SERINC1: variants seen among roughly 807,000 people sequenced by gnomAD.
SERINC1 encodes tumor differentially expressed protein 2.
In SERINC1, 38 loss-of-function variants were observed where a neutral mutation model predicts 52.9. The observed-to-expected ratio is 0.72, with a 90% CI of 0.55 to 0.94. The LOEUF (loss-of-function observed/expected upper bound fraction) is 0.94, where lower values mean the gene tolerates loss of function less well. Among genes scored for constraint, SERINC1 ranks in the 40% least tolerant of loss-of-function variants. The pLI, the probability that SERINC1 is intolerant of heterozygous loss-of-function variation, is 0.00. For synonymous variants in SERINC1, 198 were observed against 183.1 expected, an observed-to-expected ratio of 1.08 and a Z score of -0.66; for missense variants, 471 against 533.9, an observed-to-expected ratio of 0.88 and a Z score of 1.16.
chr6:122,458,674 C>G lies in SERINC1; in HGVS notation c.47G>C (p.Cys16Ser). ...CAAACACGGGGCACTTCCACACAAA[C>G]ATGGTATCTGGGAAAAAGAATATTA... ...GLCSMASWIP[C>S]LCGSAPCLLC... Residue 16 changes from cysteine (C) to serine (S), a missense_variant, in exon 2 of 10, where the codon TGT becomes TCT. Physicochemically the swap from Cys to Ser is moderately radical, Grantham distance 112. Coordinates refer to ENST00000339697, the MANE Select transcript of SERINC1 (RefSeq NM_020755.4). The G allele has an allele frequency of 6.3e-7, 1 of 1,592,114 alleles. No homozygotes were observed. The highest frequency in any genetic ancestry group is 1.1e-5 in the South Asian group (1 of 87,258).
In SERINC1 at chr6:122,445,092, A is replaced by T; in HGVS notation, c.1314T>A (p.Val438=). Residue 438 remains valine (V), a synonymous_variant, in exon 10 of 10, where the codon GTT becomes GTA. Transcript: ENST00000339697. ...GAACAAGTGGTGCCACGAGTGTCCA[A>T]ACATACAGCACGATGCCAATCCAAC... ...SSSWIGIVLY[V]WTLVAPLVLT... is the part of the protein sequence containing the mutation. The T allele has an allele frequency of 6.2e-7, 1 of 1,614,084 alleles. No individual in the cohort carries two copies. The highest frequency in any genetic ancestry group is 8.5e-7 in the Non-Finnish European group (1 of 1,179,936).
intron 4 of SERINC1, 121 bp downstream of exon 4, chr6:122,454,030 G>A (rs1774956030): frequency 8.3e-7 from 1 of 1,202,570 alleles, no homozygotes; most frequent in Non-Finnish European, 1.2e-6. Context: ...TTTGCCAACT[G>A]GGGAAACACA....
intron 2 of SERINC1, among the ~76,000 whole-genome samples, chr6:122,457,804 C>CATACATATATATATATATATAT (rs1554211589): frequency 2.0e-5 from 3 of 147,706 alleles, no homozygotes; most frequent in Admixed American, 1.4e-4. Flanking sequence ...GTAAGACATA[C>CATACATATATATATATATATAT]ATATATATAT....
chr6:122,454,043 C>T, intron 4 of SERINC1, 108 bp downstream of exon 4: 1 of 1,141,650 alleles, frequency 8.8e-7, no homozygotes, highest in Non-Finnish European at 1.3e-6. Flanking sequence ...GAAACACACA[C>T]ACACACACCC....
intron 2 of SERINC1, among the ~76,000 whole-genome samples, chr6:122,456,860 A>G (rs1775006452): frequency 6.6e-6 from 1 of 152,172 alleles, no homozygotes; most frequent in South Asian, 2.1e-4. Flanking sequence ...CAAATCATAA[A>G]CTACAATACC....
rs529538292 is a variant in SERINC1 at position 122,459,583 on chromosome 6, C to G, written c.40-902G>C. Among the ~76,000 whole-genome samples the G allele has an allele frequency of 2.0e-5, 3 of 152,036 alleles. No individual in the cohort carries two copies. In the South Asian group the frequency reaches 6.2e-4, roughly 32 times the overall value. ...TGGCAACTATGTAAATATACTTTAG[C>G]AAAAGTTAAACATAAACATCTCCCC... On this transcript the variant is annotated intron_variant, in intron 1 of 9. Transcript: ENST00000339697.
intron 1 of SERINC1, among the ~76,000 whole-genome samples, chr6:122,463,109 C>G (rs538684732): frequency 2.0e-5 from 3 of 152,256 alleles, no homozygotes; most frequent in East Asian, 3.9e-4. Context: ...AAAGGGTGGA[C>G]ACACTAAGTA....
chr6:122,446,379 T>C (rs1774802212), intron 9 of SERINC1, among the ~76,000 whole-genome samples: 2 of 152,120 alleles, frequency 1.3e-5, no homozygotes, highest in African/African-American at 4.8e-5. Flanking sequence ...TCTACATTAA[T>C]GAATTCATAC....
rs567349324 is a variant in SERINC1, at chr6:122,463,628, C to T, written c.40-4947G>A. Reference sequence around the variant, plus strand: ...TCAATATCATTATTAGGGAAATGTACATTAAAATCAGAGATACTACTGCAT... The same window carrying T: ...TCAATATCATTATTAGGGAAATGTATATTAAAATCAGAGATACTACTGCAT... On this transcript the variant is annotated intron_variant, in intron 1 of 9. Transcript: ENST00000339697. Among the ~76,000 whole-genome samples, 12 of 152,180 alleles carry T rather than the reference C, an allele frequency of 7.9e-5. 1 individual carries two copies. The highest frequency in any genetic ancestry group is 7.8e-4 in the Admixed American group (12 of 15,288).
chr6:122,445,895 A>AAAAAAAAAAAAAAAAAAAAAAC (rs1321761456), intron 9 of SERINC1, among the ~76,000 whole-genome samples: 2 of 149,258 alleles, frequency 1.3e-5, no homozygotes, highest in Non-Finnish European at 1.5e-5. Context: ...AAAAAAAAAA[A>AAAAAAAAAAAAAAAAAAAAAAC]AAAAAGAACC....
At chr6:122,454,120 A>T in intron 4 of SERINC1, 31 bp downstream of exon 4, 1 of 1,334,114 alleles carries the variant, frequency 7.5e-7, no homozygotes, top group Non-Finnish European at 1.1e-6. Flanking sequence ...ATAAAATATC[A>T]ATGTCAAACA....
chr6:122,450,801 A>G (rs1374073832), intron 7 of SERINC1, among the ~76,000 whole-genome samples: 1 of 152,208 alleles, frequency 6.6e-6, no homozygotes, highest in East Asian at 1.9e-4. Flanking sequence ...AAAGAGCAAG[A>G]GAACTAAAAA....
intron 7 of SERINC1, among the ~76,000 whole-genome samples, chr6:122,451,075 A>G (rs1004937496): frequency 2.6e-5 from 4 of 152,190 alleles, no homozygotes; most frequent in African/African-American, 7.2e-5. Context: ...ACAGCATCAT[A>G]TGCTACAGAG....
At chr6:122,465,452 T>G (rs999490756) in intron 1 of SERINC1, among the ~76,000 whole-genome samples, 1 of 152,200 alleles carries the variant, frequency 6.6e-6, no homozygotes, top group Admixed American at 6.5e-5. Flanking sequence ...AAACATAAAA[T>G]TAAGTCAAAT....
intron 1 of SERINC1, among the ~76,000 whole-genome samples, chr6:122,471,255 C>A (rs1775289165): frequency 6.6e-6 from 1 of 151,878 alleles, no homozygotes; most frequent in African/African-American, 2.4e-5. Context: ...GACATGAATC[C>A]AGGAACGACA....
intron 7 of SERINC1, among the ~76,000 whole-genome samples, 173 bp from the exon 8 acceptor site, chr6:122,447,438 T>C (rs998462670): frequency 1.3e-5 from 2 of 152,186 alleles, no homozygotes; most frequent in Non-Finnish European, 2.9e-5. Context: ...AATAAGACCT[T>C]TGAAGTGTTA....
chr6:122,450,271 G>A (rs1240723134), intron 7 of SERINC1, among the ~76,000 whole-genome samples: 2 of 152,088 alleles, frequency 1.3e-5, no homozygotes, highest in Non-Finnish European at 2.9e-5. Flanking sequence ...ATTATATTAA[G>A]TCTATTCAGC....
At position 122,458,541 on chromosome 6, in the gene SERINC1, T is replaced by C; in HGVS notation, c.180A>G (p.Gly60=). Residue 60 remains glycine (G), a synonymous_variant, in exon 2 of 10, where the codon GGA becomes GGG. Coordinates refer to ENST00000339697, the MANE Select transcript of SERINC1 (RefSeq NM_020755.4). ...TAACCTTATTCAGTTGTTCTTCCAT[T>C]CCTGGTATCAACATTACACAAGCTA... ...VCVACVMLIP[G]MEEQLNKIPG... 6.2e-7 allele frequency: 1 copy of C among 1,612,966 alleles called. No homozygotes were observed. Among genetic ancestry groups the C allele is most frequent in the Non-Finnish European group, 8.5e-7 (1 of 1,179,176 alleles).
chr6:122,446,554 T>G (rs903862894), intron 9 of SERINC1, among the ~76,000 whole-genome samples: 2 of 152,372 alleles, frequency 1.3e-5, no homozygotes, highest in East Asian at 3.9e-4. Flanking sequence ...ATTTTTATTT[T>G]AATCTCTCCA....
Sources: allele counts gnomAD v4.1 joint callset (sites outside exome capture counted in the v4.1 genomes callset), GRCh38; gene constraint gnomAD v4.1.1; transcripts MANE v1.5; gene names NCBI Gene and HGNC (gene_info 2026-07-23, HGNC 2026-07-21).